The following LNPEP variants were observed in gnomAD, a reference collection of about 807,000 sequenced individuals.
LNPEP encodes the protein leucyl and cystinyl aminopeptidase.
Under a neutral mutation model 120.6 loss-of-function variants are expected in LNPEP, and 64 were observed. The ratio of observed to expected loss-of-function variants is 0.53; its 90% CI spans 0.43 to 0.65. The LOEUF (loss-of-function observed/expected upper bound fraction) is 0.65, where lower values mean the gene tolerates loss of function less well. LNPEP is among the 30% of genes least tolerant of loss of function. The pLI is 0.00. For missense variants in LNPEP, 1,057 were observed against 1,200.0 expected, an observed-to-expected ratio of 0.88 and a Z score of 1.76; for synonymous variants, 435 against 425.4, an observed-to-expected ratio of 1.02 and a Z score of -0.28.
At chr5:97,011,547 T>TA (rs1455247579) in intron 11 of LNPEP, among the ~76,000 whole-genome samples, 1 of 152,172 alleles carries the variant, frequency 6.6e-6, no homozygotes, top group Non-Finnish European at 1.5e-5. Context: ...TCTTTCTTGA[T>TA]AAAAGCTCCA....
intron 1 of LNPEP, among the ~76,000 whole-genome samples, chr5:96,954,625 T>TATATATATATAC (rs1187570043): frequency 0.016 from 1,935 of 121,348 alleles, 444 homozygotes; most frequent in Middle Eastern, 0.026. Context: ...TCTCTATATA[T>TATATATATATAC]ATATATACAT....
intron 13 of LNPEP, among the ~76,000 whole-genome samples, chr5:97,016,729 GA>G (rs1469014415): frequency 6.6e-6 from 1 of 152,060 alleles, no homozygotes; most frequent in Non-Finnish European, 1.5e-5. Flanking sequence ...CAACTTAAGA[GA>G]TTTTTTTTAT....
rs1582042875 is a variant in LNPEP at position 97,033,846 on chromosome 5, A to G, written c.*5313A>G. 1 of 152,178 alleles carries G rather than the reference A, an allele frequency of 6.6e-6. No homozygotes were observed. The highest frequency in any genetic ancestry group is 1.9e-4 in the East Asian group (1 of 5,188). 9.4% of individuals were successfully genotyped at this position (152,178 alleles called of 1,614,324 possible). A position where few individuals can be genotyped will look rare whatever the true frequency, so the allele number is the denominator to read the frequency against. On this transcript the variant is annotated 3_prime_UTR_variant, in exon 18 of 18. Transcript: ENST00000231368. ...CTTCACTTGGATGTGTAGGTTCCTA[A>G]TGAGCCATGGAGTTATGGATGTATA...
At chr5:96,955,956 A>G (rs949921682) in intron 1 of LNPEP, among the ~76,000 whole-genome samples, 2 of 152,190 alleles carry the variant, frequency 1.3e-5, no homozygotes, top group Admixed American at 6.5e-5. Flanking sequence ...AATCTTTTTA[A>G]TTTTAGCCAA....
chr5:96,983,672 C>G (rs1353548050), intron 2 of LNPEP, among the ~76,000 whole-genome samples: 1 of 152,170 alleles, frequency 6.6e-6, no homozygotes, highest in Non-Finnish European at 1.5e-5. Context: ...GTCTCAAACT[C>G]CTGATCTCAA....
At position 96,979,260 on chromosome 5, in the gene LNPEP, C is replaced by A; in HGVS notation, c.142C>A (p.Pro48Thr). 1 of 1,613,878 alleles carries A rather than the reference C, an allele frequency of 6.2e-7. No individual in the cohort carries two copies. The highest frequency in any genetic ancestry group is 8.5e-7 in the Non-Finnish European group (1 of 1,179,866). Residue 48 changes from proline (P) to threonine (T), a missense_variant, in exon 2 of 18, where the codon CCC becomes ACC. Pro to Thr is a conservative substitution (Grantham distance 38, BLOSUM62 -1). Coordinates refer to ENST00000231368, the MANE Select transcript of LNPEP (RefSeq NM_005575.3). ...AGAGCCTGATGAGGTGGAATATGAG[C>A]CCCGGGGTTCCCGACTGCTGGTGCG... ...PLEPDEVEYE[P>T]RGSRLLVRGL...
At chr5:96,989,275 AT>A (rs1466946684) in intron 4 of LNPEP, among the ~76,000 whole-genome samples, 4 of 138,346 alleles carry the variant, frequency 2.9e-5, no homozygotes, top group African/African-American at 1.1e-4. Flanking sequence ...TGATATATAT[AT>A]TATATAATAT....
intron 8 of LNPEP, among the ~76,000 whole-genome samples, chr5:96,998,628 A>G (rs1790574329): frequency 1.3e-5 from 2 of 152,212 alleles, no homozygotes. Flanking sequence ...CATTCGGATC[A>G]CCATAGGTCG....
intron 1 of LNPEP, among the ~76,000 whole-genome samples, chr5:96,968,702 C>T (rs1009197463): frequency 1.5e-4 from 23 of 151,280 alleles, no homozygotes; most frequent in Admixed American, 5.3e-4. Flanking sequence ...TACATTGGAC[C>T]GGTATAATAA....
At chr5:97,012,965 C>G (rs1790975440) in intron 11 of LNPEP, among the ~76,000 whole-genome samples, 1 of 152,030 alleles carries the variant, frequency 6.6e-6, no homozygotes, top group Non-Finnish European at 1.5e-5. Flanking sequence ...TTTGTTTGTT[C>G]TTCCTTTGCT....
At chr5:96,995,610 T>C (rs997129200) in intron 6 of LNPEP, among the ~76,000 whole-genome samples, 3 of 151,988 alleles carry the variant, frequency 2.0e-5, no homozygotes, top group Non-Finnish European at 4.4e-5. Context: ...CTCACTGCAA[T>C]TTTGAACTCT....
intron 4 of LNPEP, among the ~76,000 whole-genome samples, chr5:96,987,722 A>G (rs1057393670): frequency 6.6e-6 from 1 of 152,208 alleles, no homozygotes; most frequent in East Asian, 1.9e-4. Context: ...ATTAAGCGCT[A>G]AATAATGGTT....
At chr5:97,016,384 G>T (rs1791071636) in intron 13 of LNPEP, among the ~76,000 whole-genome samples, 1 of 152,034 alleles carries the variant, frequency 6.6e-6, no homozygotes, top group African/African-American at 2.4e-5. Context: ...GCTTAATGTA[G>T]ATTACCTCAT....
At position 96,993,871 on chromosome 5, in the gene LNPEP, T is replaced by C; in HGVS notation, c.1307T>C (p.Leu436Pro). The part of the protein sequence containing the change: ...EAGAMENWGL[L>P]TFREETLLYD... ...GGAGCAATGGAAAATTGGGGTTTGC[T>C]CACCTTCCGAGAGGAGACACTTCTG... is the stretch of plus-strand genomic sequence containing the variant. The change falls in exon 6 of 18, where the codon CTC becomes CCC. Residue 436 changes from leucine (L) to proline (P), a missense_variant. Transcript: ENST00000231368. The C allele has an allele frequency of 1.2e-6, 2 of 1,613,914 alleles. No individual in the cohort carries two copies. The highest frequency in any genetic ancestry group is 1.7e-6 in the Non-Finnish European group (2 of 1,179,860).
At chr5:96,992,753 T>C (rs1790419976) in intron 4 of LNPEP, among the ~76,000 whole-genome samples, 1 of 143,538 alleles carries the variant, frequency 7.0e-6, no homozygotes, top group African/African-American at 2.7e-5. Flanking sequence ...AGTAGTTATT[T>C]TGGATGTTGC....
At chr5:96,939,457 T>G (rs957152800) in intron 1 of LNPEP, among the ~76,000 whole-genome samples, 2 of 152,156 alleles carry the variant, frequency 1.3e-5, no homozygotes, top group African/African-American at 4.8e-5. Flanking sequence ...TCCGCTCACC[T>G]TAGCCTCCCA....
intron 13 of LNPEP, among the ~76,000 whole-genome samples, chr5:97,021,811 A>G (rs908337012): frequency 8.1e-5 from 11 of 135,060 alleles, no homozygotes; most frequent in African/African-American, 3.4e-4. Flanking sequence ...TGGGTTTCAT[A>G]TGTCAGTTGA....
chr5:96,965,735 G>C (rs1405433804), intron 1 of LNPEP, among the ~76,000 whole-genome samples: 1 of 152,082 alleles, frequency 6.6e-6, no homozygotes, highest in Non-Finnish European at 1.5e-5. Flanking sequence ...CTTACAGAGA[G>C]AATGGAAGAC....
At chr5:97,022,112 A>C (rs1407985678) in intron 13 of LNPEP, among the ~76,000 whole-genome samples, 188 bp from the exon 14 acceptor site, 1 of 150,084 alleles carries the variant, frequency 6.7e-6, no homozygotes, top group East Asian at 2.0e-4. Flanking sequence ...TGTATTTTCT[A>C]CAGATGTCGT....
Sources: gnomAD v4.1 joint callset for allele counts (sites outside exome capture counted in the v4.1 genomes callset) on GRCh38, gnomAD v4.1.1 for gene constraint, MANE v1.5 for transcripts, NCBI Gene and HGNC (gene_info 2026-07-23, HGNC 2026-07-21) for gene names.